Variants in LRMDA observed in about 807,000 individuals in gnomAD.
The protein encoded by LRMDA is leucine rich melanocyte differentiation associated.
A neutral mutation model predicts 29.8 loss-of-function variants in LRMDA; 18 were observed. The observed-to-expected ratio is 0.60, with a 90% CI of 0.42 to 0.90. LRMDA has a LOEUF of 0.90. Among genes scored for constraint, LRMDA ranks in the 40% least tolerant of loss-of-function variants. LRMDA has a pLI of 0.00. For synonymous variants in LRMDA, 125 were observed against 109.4 expected (o/e 1.14, Z -0.89); for missense variants, 273 against 273.9 (o/e 1.00, Z 0.02).
chr10:76,521,964 G>A (rs1018693114), intron 6 of LRMDA, among the ~76,000 whole-genome samples: 2 of 152,130 alleles, frequency 1.3e-5, no homozygotes, highest in African/African-American at 4.8e-5. Context: ...CTTCTTAAGT[G>A]ATTGAAACCT....
chr10:76,447,768 C>T (rs1389442248), intron 6 of LRMDA, among the ~76,000 whole-genome samples: 1 of 152,156 alleles, frequency 6.6e-6, no homozygotes, highest in Non-Finnish European at 1.5e-5. Context: ...GTGAGTCAGG[C>T]TTGTGTCCCT....
Position 75,944,677 on chromosome 10 carries a change from T to C in LRMDA, c.132-91331T>C, listed in dbSNP as rs534820204. Reference sequence around the variant, plus strand: ...CTTCAAGGTCACTGAACTTTTCCCATTTCTGTTCTCCTGTTAAGGTCAAAT... The same window carrying C: ...CTTCAAGGTCACTGAACTTTTCCCACTTCTGTTCTCCTGTTAAGGTCAAAT... On this transcript the variant is annotated intron_variant, in intron 2 of 6. Coordinates refer to ENST00000611255, the MANE Select transcript of LRMDA (RefSeq NM_001305581.2). Among the ~76,000 whole-genome samples the C allele has an allele frequency of 7.3e-5, 11 of 150,862 alleles. No homozygotes were observed. In the South Asian group the frequency reaches 2.1e-3, roughly 29 times the overall value.
At chr10:76,233,307 A>G (rs1175640958) in intron 5 of LRMDA, among the ~76,000 whole-genome samples, 1 of 152,248 alleles carries the variant, frequency 6.6e-6, no homozygotes, top group African/African-American at 2.4e-5. Flanking sequence ...TAAACAATAT[A>G]CATACCTTAA....
intron 6 of LRMDA, chr10:76,346,312 G>A (rs1011302007): frequency 2.0e-5 from 3 of 152,134 alleles, no homozygotes; most frequent in African/African-American, 7.2e-5. Context: ...ATAATAAAAA[G>A]TCTCAAAGAA....
intron 2 of LRMDA, among the ~76,000 whole-genome samples, chr10:75,698,756 C>G (rs559608468): frequency 6.6e-6 from 1 of 151,420 alleles, no homozygotes; most frequent in Non-Finnish European, 1.5e-5. Flanking sequence ...TTTTTAAAAA[C>G]CCTCAAAAAG....
chr10:75,728,996 A>G (rs1842663929), intron 2 of LRMDA, among the ~76,000 whole-genome samples: 1 of 152,120 alleles, frequency 6.6e-6, no homozygotes, highest in East Asian at 1.9e-4. Context: ...CCTCCTGCTC[A>G]TCACCTTCAG....
At chr10:76,360,350 A>G (rs1333768212) in intron 6 of LRMDA, among the ~76,000 whole-genome samples, 1 of 152,082 alleles carries the variant, frequency 6.6e-6, no homozygotes, top group Non-Finnish European at 1.5e-5. Context: ...ATGAATGGGT[A>G]CCTGAGGAGC....
chr10:75,905,475 A>C (rs1435327763), intron 2 of LRMDA, among the ~76,000 whole-genome samples: 1 of 152,078 alleles, frequency 6.6e-6, no homozygotes, highest in African/African-American at 2.4e-5. Flanking sequence ...AAAGTGATGA[A>C]TATCCCAATT....
intron 2 of LRMDA, among the ~76,000 whole-genome samples, chr10:75,777,152 G>A (rs1028608185): frequency 6.6e-6 from 1 of 152,206 alleles, no homozygotes; most frequent in African/African-American, 2.4e-5. Context: ...CAAGTGCAGA[G>A]TACAGGCTGC....
intron 2 of LRMDA, among the ~76,000 whole-genome samples, chr10:75,861,345 A>C (rs1039158400): frequency 2.6e-5 from 4 of 152,254 alleles, no homozygotes; most frequent in East Asian, 1.9e-4. Flanking sequence ...CTTGGGTGAA[A>C]AAAGGTGTAA....
At chr10:76,548,504 A>G (rs904025377) in intron 6 of LRMDA, among the ~76,000 whole-genome samples, 1 of 151,982 alleles carries the variant, frequency 6.6e-6, no homozygotes, top group African/African-American at 2.4e-5. Flanking sequence ...TTGGACTGCT[A>G]AGAAGATTTA....
At chr10:75,848,109 C>T (rs1844671828) in intron 2 of LRMDA, among the ~76,000 whole-genome samples, 1 of 152,160 alleles carries the variant, frequency 6.6e-6, no homozygotes, top group Non-Finnish European at 1.5e-5. Flanking sequence ...GACAATTTCT[C>T]ACTTATGTTC....
chr10:75,899,502 A>G (rs1789989092), intron 2 of LRMDA, among the ~76,000 whole-genome samples: 1 of 152,230 alleles, frequency 6.6e-6, no homozygotes, highest in Admixed American at 6.5e-5. Context: ...ATGTAAATGC[A>G]TCTTCTCTGT....
intron 6 of LRMDA, among the ~76,000 whole-genome samples, chr10:76,377,037 C>T (rs1199821270): frequency 4.0e-5 from 6 of 151,674 alleles, no homozygotes; most frequent in African/African-American, 1.2e-4. Context: ...AAGTGCCTGC[C>T]ACCACACCTG....
intron 2 of LRMDA, among the ~76,000 whole-genome samples, chr10:75,504,225 C>T (rs1028647134): frequency 1.3e-5 from 2 of 152,098 alleles, no homozygotes; most frequent in Non-Finnish European, 2.9e-5. Context: ...AACTCCTGGG[C>T]GTAAGCAATC....
intron 5 of LRMDA, among the ~76,000 whole-genome samples, chr10:76,274,393 C>G (rs1182833068): frequency 6.6e-6 from 1 of 152,060 alleles, no homozygotes; most frequent in African/African-American, 2.4e-5. Context: ...ATTTGAAAAC[C>G]AACTGGGATG....
intron 2 of LRMDA, among the ~76,000 whole-genome samples, chr10:75,994,056 C>T (rs1847417781): frequency 1.3e-5 from 2 of 152,194 alleles, no homozygotes; most frequent in Admixed American, 1.3e-4. Context: ...ACCCCTAAGG[C>T]CTATCTATTC....
At chr10:76,416,405 G>A (rs1232000510) in intron 6 of LRMDA, among the ~76,000 whole-genome samples, 5 of 152,086 alleles carry the variant, frequency 3.3e-5, no homozygotes, top group Admixed American at 6.6e-5. Context: ...ATGCGGCCTC[G>A]GACAGGCCAT....
intron 2 of LRMDA, among the ~76,000 whole-genome samples, chr10:75,846,339 A>G (rs1844637514): frequency 6.6e-6 from 1 of 152,190 alleles, no homozygotes; most frequent in Non-Finnish European, 1.5e-5. Flanking sequence ...AAAGCAAATA[A>G]TGAACAAGTC....
Sources: allele counts gnomAD v4.1 joint callset (sites outside exome capture counted in the v4.1 genomes callset), GRCh38; gene constraint gnomAD v4.1.1; transcripts MANE v1.5; gene names NCBI Gene and HGNC (gene_info 2026-07-23, HGNC 2026-07-21).